Variants in TBX5 observed in about 807,000 individuals in gnomAD.
TBX5 encodes the protein T-box transcription factor TBX5.
Under a neutral mutation model 51.1 loss-of-function variants are expected in TBX5, and 8 were observed. The observed-to-expected ratio is 0.16, with a 90% confidence interval of 0.09 to 0.28. TBX5 has a LOEUF of 0.28. Ranked by LOEUF, TBX5 falls within the 10% of genes least tolerant of loss-of-function variation. The probability of loss-of-function intolerance (pLI) is 1.00; values close to 1 mark genes in which losing one functional copy is unlikely to be tolerated. For missense variants in TBX5, 589 were observed against 671.7 expected, an observed-to-expected ratio of 0.88 and a Z score of 1.36; for synonymous variants, 302 against 266.4, an observed-to-expected ratio of 1.13 and a Z score of -1.30.
chr12:114,373,603 C>T (rs957801227), intron 7 of TBX5, among the ~76,000 whole-genome samples: 1 of 152,154 alleles, frequency 6.6e-6, no homozygotes, highest in Non-Finnish European at 1.5e-5. Flanking sequence ...GGACTGCAAG[C>T]ACCCACCATC....
At chr12:114,367,713 A>C (rs1869628981) in intron 7 of TBX5, among the ~76,000 whole-genome samples, 1 of 152,102 alleles carries the variant, frequency 6.6e-6, no homozygotes, top group Non-Finnish European at 1.5e-5. Context: ...AGAGAGAAAT[A>C]TCCAAGTATG....
intron 7 of TBX5, among the ~76,000 whole-genome samples, chr12:114,376,868 G>A (rs1422455937): frequency 6.7e-6 from 1 of 148,176 alleles, no homozygotes; most frequent in Non-Finnish European, 1.5e-5. Flanking sequence ...TCCCAACCCT[G>A]TTCCTGAATA....
chr12:114,362,022 G>T (rs1366919489), intron 8 of TBX5, among the ~76,000 whole-genome samples: 1 of 152,034 alleles, frequency 6.6e-6, no homozygotes, highest in East Asian at 1.9e-4. Flanking sequence ...GTGACTTTGG[G>T]TAAGTTCCTC....
In TBX5 at chr12:114,355,804, G is replaced by A; in HGVS notation, c.1285C>T (p.His429Tyr). The A allele has an allele frequency of 6.2e-7, 1 of 1,614,158 alleles. No individual in the cohort carries two copies. Among genetic ancestry groups the A allele is most frequent in the East Asian group, 2.2e-5 (1 of 44,870 alleles). Residue 429 changes from histidine (H) to tyrosine (Y), a missense_variant, in exon 9 of 9, where the codon CAC becomes TAC. His to Tyr is a moderately conservative substitution (Grantham distance 83). Around this residue, in one of 7 missense-constraint regions of TBX5, gnomAD observed 348 missense variants for 360.4 expected, o/e 0.97. Coordinates refer to ENST00000405440, the MANE Select transcript of TBX5 (RefSeq NM_181486.4). ...GGGACCAGGGGCCCCGAGGTGAAGT[G>A]AGCGGAGAAGTGCTGGTAGGGTAGC... ...DRLPYQHFSA[H>Y]FTSGPLVPRL...
intron 7 of TBX5, among the ~76,000 whole-genome samples, chr12:114,379,462 G>GC (rs1329263154): frequency 6.6e-6 from 1 of 152,150 alleles, no homozygotes; most frequent in Non-Finnish European, 1.5e-5. Context: ...ACTTTGGCTG[G>GC]CCTGGATTTA....
intron 2 of TBX5, among the ~76,000 whole-genome samples, chr12:114,403,304 C>A (rs982898540): frequency 2.0e-5 from 3 of 152,204 alleles, no homozygotes; most frequent in African/African-American, 7.2e-5. Context: ...CGGGAGGAGG[C>A]GAAGGCTACG....
chr12:114,370,303 A>AAAAG (rs1869815382), intron 7 of TBX5, among the ~76,000 whole-genome samples: 2 of 142,462 alleles, frequency 1.4e-5, no homozygotes, highest in South Asian at 2.2e-4. Flanking sequence ...AAAAGAAAAG[A>AAAAG]AAAGAAAAGA....
intron 7 of TBX5, among the ~76,000 whole-genome samples, chr12:114,379,247 C>T (rs1442705007): frequency 6.6e-6 from 1 of 152,210 alleles, no homozygotes; most frequent in Non-Finnish European, 1.5e-5. Flanking sequence ...CTTCCTGCTT[C>T]CCCTTGCACA....
At chr12:114,369,817 C>A (rs1472589458) in intron 7 of TBX5, among the ~76,000 whole-genome samples, 2 of 148,898 alleles carry the variant, frequency 1.3e-5, no homozygotes, top group Non-Finnish European at 3.0e-5. Context: ...TTTTAATCAT[C>A]ATCATCATCA....
At chr12:114,390,116 T>G (rs1871079822) in intron 6 of TBX5, among the ~76,000 whole-genome samples, 1 of 152,202 alleles carries the variant, frequency 6.6e-6, no homozygotes, top group African/African-American at 2.4e-5. Context: ...ATAAGCACAA[T>G]TTCTTATATA....
chr12:114,395,777 C>A (rs1871381610), intron 5 of TBX5, among the ~76,000 whole-genome samples: 1 of 152,128 alleles, frequency 6.6e-6, no homozygotes, highest in Admixed American at 6.5e-5. Flanking sequence ...CAAGAGGGGT[C>A]CTAACTGCTG....
chr12:114,388,019 T>C (rs1870918615), intron 6 of TBX5, among the ~76,000 whole-genome samples: 1 of 152,112 alleles, frequency 6.6e-6, no homozygotes, highest in Non-Finnish European at 1.5e-5. Flanking sequence ...TTATTTTTAT[T>C]TTTAGTTTCA....
chr12:114,391,970 G>A (rs1172612645), intron 6 of TBX5, among the ~76,000 whole-genome samples: 4 of 152,068 alleles, frequency 2.6e-5, no homozygotes, highest in South Asian at 2.1e-4. Context: ...TTTCTCTCCC[G>A]GATGTCAAGG....
intron 7 of TBX5, among the ~76,000 whole-genome samples, chr12:114,380,843 T>C (rs1279335208): frequency 1.0e-5 from 1 of 96,304 alleles, no homozygotes; most frequent in Non-Finnish European, 2.4e-5. Flanking sequence ...AAATAAATAG[T>C]TTTTATTAAA....
Position 114,399,520 on chromosome 12 carries a change from TATC to T in TBX5, c.352_354del (p.Asp118del), listed in dbSNP as rs1249729728. The T allele has an allele frequency of 1.9e-6, 3 of 1,614,038 alleles. No individual in the cohort carries two copies. The highest frequency in any genetic ancestry group is 2.5e-6 in the Non-Finnish European group (3 of 1,180,002). On this transcript the variant is annotated inframe_deletion, in exon 4 of 9. Coordinates refer to ENST00000405440, the MANE Select transcript of TBX5 (RefSeq NM_181486.4). ...TGCCACCCCAGTGCCTACCATTTAT[TATC>T]TGCGAATTTGTATCTGTGATCGTCG...
chr12:114,360,014 G>A (rs1869145432), intron 8 of TBX5, among the ~76,000 whole-genome samples: 1 of 152,184 alleles, frequency 6.6e-6, no homozygotes, highest in Non-Finnish European at 1.5e-5. Context: ...TACAGAGCTG[G>A]AAAGCTCACA....
chr12:114,391,852 C>T (rs1035182379), intron 6 of TBX5, among the ~76,000 whole-genome samples: 1 of 152,132 alleles, frequency 6.6e-6, no homozygotes, highest in Non-Finnish European at 1.5e-5. Context: ...CTGCACTTGA[C>T]TGGGAAAGTG....
intron 6 of TBX5, among the ~76,000 whole-genome samples, chr12:114,390,678 G>A (rs1269444160): frequency 6.6e-6 from 1 of 152,206 alleles, no homozygotes; most frequent in Admixed American, 6.5e-5. Context: ...TTAAGCAGGA[G>A]GAAAATGCCT....
intron 8 of TBX5, among the ~76,000 whole-genome samples, chr12:114,357,485 G>C (rs1049996211): frequency 9.2e-5 from 14 of 152,160 alleles, no homozygotes; most frequent in Non-Finnish European, 1.9e-4. Context: ...GATACCAGCA[G>C]GGCATCTACG....
Sources: allele counts gnomAD v4.1 joint callset (sites outside exome capture counted in the v4.1 genomes callset), GRCh38; gene constraint gnomAD v4.1.1; regional missense constraint gnomAD v4.1.1; transcripts MANE v1.5; gene names NCBI Gene and HGNC (gene_info 2026-07-23, HGNC 2026-07-21).